HK1: variants seen among roughly 807,000 people sequenced by gnomAD.
HK1 encodes the protein hexokinase-1.
In HK1, 28 loss-of-function variants were observed where a neutral mutation model predicts 91.6. The ratio of observed to expected loss-of-function variants is 0.31; its 90% CI spans 0.23 to 0.42. The LOEUF (loss-of-function observed/expected upper bound fraction) is 0.42, where lower values mean the gene tolerates loss of function less well. Ranked by LOEUF, HK1 falls within the 10% of genes least tolerant of loss-of-function variation. The probability of loss-of-function intolerance (pLI) is 1.00; values close to 1 mark genes in which losing one functional copy is unlikely to be tolerated. For synonymous variants in HK1, 430 were observed against 468.1 expected (o/e 0.92, Z 1.05); for missense variants, 770 against 1,219.8 (o/e 0.63, Z 5.49).
At chr10:69,292,921 C>T (rs1845363660) in intron 3 of HK1, among the ~76,000 whole-genome samples, 1 of 152,056 alleles carries the variant, frequency 6.6e-6, no homozygotes, top group African/African-American at 2.4e-5. Context: ...CTCTAGCAGC[C>T]CTGAGATTGG....
At chr10:69,308,439 T>C (rs1475127213) in intron 5 of HK1, among the ~76,000 whole-genome samples, 2 of 152,194 alleles carry the variant, frequency 1.3e-5, no homozygotes, top group East Asian at 3.9e-4. Flanking sequence ...AAGAGGGTCC[T>C]TGGGAGAGGG....
At chr10:69,328,637 T>C (rs951989602) in intron 1 of HK1, among the ~76,000 whole-genome samples, 2 of 152,196 alleles carry the variant, frequency 1.3e-5, no homozygotes, top group African/African-American at 4.8e-5. Flanking sequence ...TATTATTTTC[T>C]CAATTGAGTT....
chr10:69,322,014 C>G (rs986319813), intron 1 of HK1, among the ~76,000 whole-genome samples: 3 of 152,208 alleles, frequency 2.0e-5, no homozygotes, highest in Admixed American at 2.0e-4. Flanking sequence ...GGTTCTTTGA[C>G]CTCTAAGTAA....
Position 69,398,763 on chromosome 10 carries a change from C to T in HK1, c.2544C>T (p.Asn848=). Residue 848 remains asparagine, a synonymous_variant, in exon 17 of 18, where the codon AAC becomes AAT. Transcript: ENST00000359426. ...MAAVVDKIRE[N]RGLDRLNVTV... The stretch of plus-strand genomic sequence containing the variant: ...CGGTTGTGGATAAGATCCGCGAGAA[C>T]AGAGGACTGGACCGTCTGAATGTGA... 2.5e-6 allele frequency: 4 copies of T among 1,614,242 alleles called. No homozygotes were observed. The highest frequency in any genetic ancestry group is 2.5e-6 in the Non-Finnish European group (3 of 1,180,040).
At chr10:69,342,609 G>A (rs1272509986) in intron 1 of HK1, among the ~76,000 whole-genome samples, 2 of 152,222 alleles carry the variant, frequency 1.3e-5, no homozygotes, top group African/African-American at 4.8e-5. Context: ...GGGAGGCATT[G>A]CAAGGCTTTG....
At chr10:69,334,341 T>C (rs1432392063) in intron 1 of HK1, among the ~76,000 whole-genome samples, 2 of 152,086 alleles carry the variant, frequency 1.3e-5, no homozygotes, top group Non-Finnish European at 2.9e-5. Flanking sequence ...TGCGGTGGAA[T>C]TGATTATCCC....
intron 15 of HK1, among the ~76,000 whole-genome samples, chr10:69,392,745 G>A (rs1369990448): frequency 6.6e-6 from 1 of 152,126 alleles, no homozygotes; most frequent in Non-Finnish European, 1.5e-5. Context: ...TCAGGTCTCA[G>A]GTACCATGTC....
chr10:69,383,045 A>G (rs1241632121), intron 10 of HK1, among the ~76,000 whole-genome samples: 1 of 152,132 alleles, frequency 6.6e-6, no homozygotes, highest in East Asian at 1.9e-4. Flanking sequence ...CCTGCTCAGA[A>G]CAGTGCTCTT....
At chr10:69,296,979 A>G (rs775327427) in intron 4 of HK1, among the ~76,000 whole-genome samples, 2 of 151,986 alleles carry the variant, frequency 1.3e-5, no homozygotes, top group South Asian at 2.1e-4. Context: ...AAGATGATCT[A>G]CTTCCCAGTG....
upstream of HK1, among the ~76,000 whole-genome samples, chr10:69,311,887 G>A (rs1253585577): frequency 2.0e-5 from 3 of 152,062 alleles, no homozygotes; most frequent in Admixed American, 6.6e-5. Flanking sequence ...CGCCTGCCTC[G>A]GCCTCCCAAA....
Position 69,380,561 on chromosome 10 carries a change from C to T in HK1, c.1265+466C>T, listed in dbSNP as rs1262973431. On this transcript the variant is annotated intron_variant, in intron 9 of 17. Transcript: ENST00000359426. The surrounding 1 kb of genome is among the most constrained non-coding windows in gnomAD (Gnocchi z 4.0). ...GACCTTGGGTCATAGGTGTGGTACC[C>T]ACATTCTTGTTTCAGAAGCTCCTGT... Among the ~76,000 whole-genome samples, 2 of 152,194 alleles carry T rather than the reference C, an allele frequency of 1.3e-5. No individual in the cohort carries two copies. The highest frequency in any genetic ancestry group is 4.8e-5 in the African/African-American group (2 of 41,454).
intron 4 of HK1, 79 bp from the exon 5 acceptor site, chr10:69,368,457 G>A: frequency 7.1e-6 from 9 of 1,267,088 alleles, no homozygotes; most frequent in African/African-American, 1.5e-5. Flanking sequence ...CTTCATCCCT[G>A]TCCTGGAGCA....
upstream of HK1, chr10:69,315,929 A>G (rs377003198): frequency 6.8e-6 from 11 of 1,613,090 alleles, no homozygotes; most frequent in Non-Finnish European, 1.7e-6. Flanking sequence ...CCTGCCCTGT[A>G]AAGAGGAGTC....
At chr10:69,381,781 T>C (rs550267003) in intron 9 of HK1, among the ~76,000 whole-genome samples, 48 of 152,334 alleles carry the variant, frequency 3.2e-4, no homozygotes, top group Middle Eastern at 6.8e-3. Context: ...CTTGAACTCC[T>C]GACCTCAGGT....
chr10:69,338,829 A>C lies in HK1; in HGVS notation c.64-4998A>C, dbSNP rs78220534. 5.0e-3 allele frequency among the ~76,000 whole-genome samples: 767 copies of C among 151,920 alleles called. 6 individuals are homozygous for C. Among genetic ancestry groups the C allele is most frequent in the African/African-American group, 0.018 (746 of 41,442 alleles). ...AGGGGAAAAGGAAGGAGGAGAGTAA[A>C]GATCTGGAGATGCTGTGGAGAGGAG... On this transcript the variant is annotated intron_variant, in intron 1 of 17. Transcript: ENST00000359426.
intron 2 of HK1, among the ~76,000 whole-genome samples, chr10:69,355,842 T>C (rs375671871): frequency 1.3e-5 from 2 of 152,006 alleles, no homozygotes; most frequent in Non-Finnish European, 2.9e-5. Context: ...TTACGGTCAA[T>C]TGACTTTTGA....
chr10:69,358,721 G>A (rs549289290), intron 2 of HK1, among the ~76,000 whole-genome samples: 72 of 152,270 alleles, frequency 4.7e-4, no homozygotes, highest in African/African-American at 1.7e-3. Context: ...AAATTAGCCA[G>A]GCATGCTGGC....
intron 1 of HK1, among the ~76,000 whole-genome samples, chr10:69,337,837 C>T (rs1372081169): frequency 6.6e-6 from 1 of 152,154 alleles, no homozygotes; most frequent in Non-Finnish European, 1.5e-5. Flanking sequence ...CACCCTTCCA[C>T]GGGGTGGGGT....
chr10:69,386,005 AC>A (rs1226952253), intron 12 of HK1, among the ~76,000 whole-genome samples: 1 of 152,216 alleles, frequency 6.6e-6, no homozygotes, highest in East Asian at 1.9e-4. Context: ...CAGTGGCAGC[AC>A]CAGGCTTGGA....
Sources: gnomAD v4.1 joint callset for allele counts (sites outside exome capture counted in the v4.1 genomes callset) on GRCh38, gnomAD v4.1.1 for gene constraint, Gnocchi (gnomAD v3.1) non-coding constraint, MANE v1.5 for transcripts, NCBI Gene and HGNC (gene_info 2026-07-23, HGNC 2026-07-21) for gene names.